Variants in ASB15 observed in about 807,000 individuals in gnomAD.
The protein encoded by ASB15 is ankyrin repeat and SOCS box protein 15.
Under a neutral mutation model 58.0 loss-of-function variants are expected in ASB15, and 54 were observed. That is an observed-to-expected ratio of 0.93 (90% CI 0.75 to 1.17). The LOEUF (loss-of-function observed/expected upper bound fraction) is 1.17, where lower values mean the gene tolerates loss of function less well. Ranked by LOEUF, ASB15 falls within the 50% of genes most tolerant of loss-of-function variation. The pLI is 0.00. For missense variants in ASB15, 680 were observed against 707.4 expected (o/e 0.96, Z 0.44); for synonymous variants, 249 against 262.4 (o/e 0.95, Z 0.50).
At chr7:123,625,817 A>C (rs1416025905) in intron 8 of ASB15, among the ~76,000 whole-genome samples, 2 of 152,152 alleles carry the variant, frequency 1.3e-5, no homozygotes, top group Non-Finnish European at 2.9e-5. Flanking sequence ...GACCTCTAGA[A>C]CCGCATGATC....
chr7:123,619,044 G>A (rs1562931733), intron 7 of ASB15, among the ~76,000 whole-genome samples: 1 of 151,830 alleles, frequency 6.6e-6, no homozygotes, highest in Non-Finnish European at 1.5e-5. Flanking sequence ...GCTGGGCTTC[G>A]TGGCAGGCAC....
chr7:123,632,511 T>C (rs1802176343), intron 11 of ASB15, among the ~76,000 whole-genome samples: 1 of 152,206 alleles, frequency 6.6e-6, no homozygotes, highest in Non-Finnish European at 1.5e-5. Flanking sequence ...ATAAGTTGTT[T>C]GGCGGTGATT....
chr7:123,618,186 G>C (rs541597548), intron 7 of ASB15, among the ~76,000 whole-genome samples: 2 of 152,332 alleles, frequency 1.3e-5, no homozygotes, highest in Non-Finnish European at 2.9e-5. Flanking sequence ...CACAGATGCA[G>C]AGCATGGCAC....
chr7:123,614,240 A>C (rs1326463863), intron 3 of ASB15: 4 of 171,846 alleles, frequency 2.3e-5, no homozygotes, highest in African/African-American at 3.6e-5. Flanking sequence ...GTCATTACTG[A>C]AAAAAAAAAA....
intron 7 of ASB15, among the ~76,000 whole-genome samples, chr7:123,619,179 CAAAAAAAAAA>C (rs528943780): frequency 1.8e-5 from 1 of 55,254 alleles, no homozygotes; most frequent in Non-Finnish European, 3.1e-5. Context: ...GACGCCGTCT[CAAAAAAAAAA>C]AAAAAAAAAA....
chr7:123,582,284 G>A (rs902513184), intron 1 of ASB15, among the ~76,000 whole-genome samples: 5 of 151,848 alleles, frequency 3.3e-5, no homozygotes, highest in African/African-American at 1.2e-4. Context: ...GGGAGGGGGG[G>A]TTGCATTACA....
intron 1 of ASB15, among the ~76,000 whole-genome samples, chr7:123,587,864 A>C (rs976455627): frequency 7.3e-5 from 11 of 151,704 alleles, no homozygotes; most frequent in African/African-American, 2.4e-4. Flanking sequence ...GTTAAATTAT[A>C]CTTGCATCCC....
chr7:123,623,903 GAA>G (rs1801517807), intron 7 of ASB15, among the ~76,000 whole-genome samples: 1 of 9,974 alleles, frequency 1.0e-4, no homozygotes, highest in Non-Finnish European at 1.6e-4. Flanking sequence ...AGAAAGAATG[GAA>G]GGAAGGAAGG....
Position 123,624,697 on chromosome 7 carries a change from G to C in ASB15, c.580G>C (p.Ala194Pro). The change falls in exon 8 of 12, where the codon GCT (alanine) becomes CCT (proline). Residue 194 changes from alanine to proline, a missense_variant. By Grantham distance (27) the Ala-to-Pro change is conservative. Coordinates refer to ENST00000451215, the MANE Select transcript of ASB15 (RefSeq NM_001290258.2). The part of the protein sequence containing the change: ...AAKQGRKDIV[A>P]LLLKHGGNVH... ...CAAGCAAGGCCGAAAAGATATCGTAGCTCTGCTGCTGAAACATGGAGGCAA... is the reference window on the plus strand; with the variant it reads ...CAAGCAAGGCCGAAAAGATATCGTACCTCTGCTGCTGAAACATGGAGGCAA... 1 of 1,614,196 alleles carries C rather than the reference G, an allele frequency of 6.2e-7. No individual in the cohort carries two copies. Among genetic ancestry groups the C allele is most frequent in the South Asian group, 1.1e-5 (1 of 91,078 alleles).
intron 8 of ASB15, 46 bp downstream of exon 8, chr7:123,624,860 G>A: frequency 2.6e-6 from 4 of 1,566,694 alleles, no homozygotes; most frequent in Non-Finnish European, 2.6e-6. Context: ...CCTGCCTCTC[G>A]AACTCTCCTT....
chr7:123,633,671 T>C (rs1584824297), intron 11 of ASB15, among the ~76,000 whole-genome samples: 1 of 152,294 alleles, frequency 6.6e-6, no homozygotes, highest in Non-Finnish European at 1.5e-5. Flanking sequence ...AGATAAGTCT[T>C]AGAAATAATG....
At chr7:123,573,595 A>G (rs1798978751) in intron 1 of ASB15, among the ~76,000 whole-genome samples, 1 of 152,034 alleles carries the variant, frequency 6.6e-6, no homozygotes, top group Admixed American at 6.5e-5. Flanking sequence ...TCCAGTTTAT[A>G]AGAGCTGTGA....
In ASB15 at chr7:123,637,079, T is replaced by G. The variant is rs1216817828; in HGVS notation, c.*98T>G. On this transcript the variant is annotated 3_prime_UTR_variant, in exon 12 of 12. Transcript: ENST00000451215. ...TTACATCCTTAATTGTAAAGTGTAT[T>G]TAAATTCATTGACAGTTTTATAGGT... 4.8e-6 allele frequency: 4 copies of G among 828,984 alleles called. No individual in the cohort carries two copies. The highest frequency in any genetic ancestry group is 5.5e-6 in the Non-Finnish European group (3 of 540,700). The allele number at this position is 828,984 out of a possible 1,614,324, so 51.4% of individuals were successfully genotyped here.
At position 123,604,580 on chromosome 7, in the gene ASB15, TA is replaced by T. The variant is rs36085557; in HGVS notation, c.-64+382del. 2.9e-3 allele frequency among the ~76,000 whole-genome samples: 400 copies of T among 139,558 alleles called. 1 individual carries two copies. Among genetic ancestry groups the T allele is most frequent in the South Asian group, 7.5e-3 (33 of 4,408 alleles). 91.6% of individuals were successfully genotyped at this position (139,558 alleles called of 152,430 possible). On this transcript the variant is annotated intron_variant, in intron 2 of 11. Transcript: ENST00000451215. Reference sequence around the variant, plus strand: ...TTGGTTGACAGAAGGAGACTCTGTCTAAAAAAAAAAAAAATGCTGGCTAAAG... The same window carrying T: ...TTGGTTGACAGAAGGAGACTCTGTCTAAAAAAAAAAAAATGCTGGCTAAAG...
In ASB15 at chr7:123,589,996, T is replaced by C. The variant is rs190601330; in HGVS notation, c.-442-14036T>C. On this transcript the variant is annotated intron_variant, in intron 1 of 13. Transcript: ENST00000451558. ...TCCAGCATCTGTTGTTTCCTGAATT[T>C]TTAATGATTGTCATTCTAACTGGCA... Among the ~76,000 whole-genome samples the C allele has an allele frequency of 1.6e-3, 248 of 152,318 alleles. 3 individuals are homozygous for C. The highest frequency in any genetic ancestry group is 5.9e-3 in the African/African-American group (244 of 41,568).
intron 11 of ASB15, among the ~76,000 whole-genome samples, chr7:123,632,299 T>A (rs908750384): frequency 1.3e-5 from 2 of 151,670 alleles, no homozygotes; most frequent in African/African-American, 2.4e-5. Flanking sequence ...TTAGAAAAAA[T>A]TAATGTCAAA....
chr7:123,637,051 A>G lies in ASB15; in HGVS notation c.*70A>G. On this transcript the variant is annotated 3_prime_UTR_variant, in exon 12 of 12. Coordinates refer to ENST00000451215, the MANE Select transcript of ASB15 (RefSeq NM_001290258.2). ...TTCCCTCAGATAATTTCTTGTAACC[A>G]TTTTACATCCTTAATTGTAAAGTGT... 1 of 1,065,592 alleles carries G rather than the reference A, an allele frequency of 9.4e-7. No individual in the cohort carries two copies. Among genetic ancestry groups the G allele is most frequent in the East Asian group, 2.6e-5 (1 of 39,008 alleles). 66.0% of individuals were successfully genotyped at this position (1,065,592 alleles called of 1,614,324 possible). A position where few individuals can be genotyped will look rare whatever the true frequency, so the allele number is the denominator to read the frequency against.
chr7:123,570,379 G>T (rs149043429), intron 1 of ASB15, among the ~76,000 whole-genome samples: 131 of 152,080 alleles, frequency 8.6e-4, no homozygotes, highest in Non-Finnish European at 1.4e-3. Context: ...CTTACTTTTT[G>T]ACTATATCAC....
chr7:123,603,723 A>G (rs1800001320), intron 1 of ASB15, among the ~76,000 whole-genome samples: 1 of 152,246 alleles, frequency 6.6e-6, no homozygotes, highest in African/African-American at 2.4e-5. Context: ...AATAAAGGCC[A>G]AATTGAAAAA....
Sources: allele counts gnomAD v4.1 joint callset (sites outside exome capture counted in the v4.1 genomes callset), GRCh38; gene constraint gnomAD v4.1.1; transcripts MANE v1.5; gene names NCBI Gene and HGNC (gene_info 2026-07-23, HGNC 2026-07-21).